The following RBFOX2 variants were observed in gnomAD, a reference collection of about 807,000 sequenced individuals.
The protein encoded by RBFOX2 is RNA binding protein fox-1 homolog 2.
A neutral mutation model predicts 49.1 loss-of-function variants in RBFOX2; 10 were observed. That is an observed-to-expected ratio of 0.20 (90% CI 0.13 to 0.35). The LOEUF is 0.35. RBFOX2 is among the 10% of genes least tolerant of loss of function. RBFOX2 has a pLI of 1.00. For synonymous variants in RBFOX2, 183 were observed against 187.4 expected (o/e 0.98, Z 0.19); for missense variants, 323 against 486.9 (o/e 0.66, Z 3.17).
At chr22:35,758,809 C>T (rs1937649163) in intron 9 of RBFOX2, among the ~76,000 whole-genome samples, 1 of 151,918 alleles carries the variant, frequency 6.6e-6, no homozygotes, top group Admixed American at 6.6e-5. Flanking sequence ...ATGGTACATC[C>T]ATTTGGTCTA....
chr22:35,965,139 C>A (rs999565383), upstream of RBFOX2, among the ~76,000 whole-genome samples: 1 of 152,046 alleles, frequency 6.6e-6, no homozygotes, highest in African/African-American at 2.4e-5. Flanking sequence ...TTAGAAGATG[C>A]CATGGAGAAT....
At chr22:36,017,710 C>T (rs940361400) in intron 1 of RBFOX2, among the ~76,000 whole-genome samples, 1 of 152,196 alleles carries the variant, frequency 6.6e-6, no homozygotes, top group African/African-American at 2.4e-5. Context: ...CAACAGCCTG[C>T]TCCAGCGAAC....
At chr22:35,778,215 T>C in intron 3 of RBFOX2, 137 bp from the exon 5 acceptor site, 2 of 705,134 alleles carry the variant, frequency 2.8e-6, no homozygotes. Context: ...TATTTGTTAG[T>C]AAGTTCCAAT....
chr22:35,796,851 C>T (rs865808839), intron 2 of RBFOX2, among the ~76,000 whole-genome samples: 4 of 152,066 alleles, frequency 2.6e-5, no homozygotes, highest in Non-Finnish European at 4.4e-5. Context: ...GAGAAACTGT[C>T]GAGCTCATAG....
chr22:36,014,493 T>C (rs1021586579), intron 1 of RBFOX2, among the ~76,000 whole-genome samples: 2 of 152,166 alleles, frequency 1.3e-5, no homozygotes, highest in Admixed American at 1.3e-4. Flanking sequence ...TAAAACAGAA[T>C]GCTGAATGAG....
At chr22:35,813,082 G>C (rs1307171032) in intron 1 of RBFOX2, among the ~76,000 whole-genome samples, 1 of 152,190 alleles carries the variant, frequency 6.6e-6, no homozygotes, top group Non-Finnish European at 1.5e-5. Context: ...GAAATTCTTA[G>C]TGGATTATTT....
Position 36,016,996 on chromosome 22 carries a change from C to A in RBFOX2, c.186+11244G>T, listed in dbSNP as rs117565737. On this transcript the variant is annotated intron_variant, in intron 1 of 13. Coordinates refer to the RBFOX2 transcript ENST00000438146. ...TGCAGCTAAAGAGGTCCCTACTAAA[C>A]TGGCTGGAACAGGCAAGGATTATAC... Among the ~76,000 whole-genome samples the A allele has an allele frequency of 3.0e-3, 450 of 152,260 alleles. 7 individuals are homozygous for A. The highest frequency in any genetic ancestry group is 0.014 in the East Asian group (75 of 5,184).
At chr22:35,881,313 C>T (rs775332811) in intron 1 of RBFOX2, among the ~76,000 whole-genome samples, 4 of 151,626 alleles carry the variant, frequency 2.6e-5, no homozygotes, top group East Asian at 1.9e-4. Flanking sequence ...TGGTGGCTCA[C>T]GCCTATAATC....
chr22:35,806,074 T>C (rs1271400716), intron 2 of RBFOX2, among the ~76,000 whole-genome samples: 1 of 152,190 alleles, frequency 6.6e-6, no homozygotes, highest in Non-Finnish European at 1.5e-5. Context: ...ATGCTATACA[T>C]TTATCCAAAC....
intron 1 of RBFOX2, among the ~76,000 whole-genome samples, chr22:35,828,445 G>A (rs1321096211): frequency 6.6e-6 from 1 of 152,186 alleles, no homozygotes; most frequent in African/African-American, 2.4e-5. Flanking sequence ...AGACAGCACA[G>A]GGGACGGTAC....
At chr22:35,957,253 C>G (rs756957702) in intron 1 of RBFOX2, among the ~76,000 whole-genome samples, 28 of 152,164 alleles carry the variant, frequency 1.8e-4, no homozygotes, top group Non-Finnish European at 4.0e-4. Context: ...CATGCAATAT[C>G]TTACACAGTG....
Position 35,812,841 on chromosome 22 carries a change from A to G in RBFOX2, c.28-2837T>C, listed in dbSNP as rs561352619. ...TCCACCCCAGCCTGCTGGGAATGAG[A>G]CTCTGGCACACAAGTACACAGTATG... On this transcript the variant is annotated intron_variant, in intron 1 of 11. Coordinates refer to ENST00000405409, the Ensembl canonical transcript of RBFOX2. Among the ~76,000 whole-genome samples, 38 of 152,266 alleles carry G rather than the reference A, an allele frequency of 2.5e-4. 1 individual carries two copies. The highest frequency in any genetic ancestry group is 8.9e-4 in the African/African-American group (37 of 41,552).
intron 1 of RBFOX2, among the ~76,000 whole-genome samples, chr22:35,950,193 T>G (rs763242003): frequency 2.0e-5 from 3 of 151,984 alleles, no homozygotes; most frequent in Non-Finnish European, 4.4e-5. Context: ...CTTCCTGTTT[T>G]CTGAGGATTT....
chr22:35,937,843 C>T (rs1192176407), intron 1 of RBFOX2, among the ~76,000 whole-genome samples: 1 of 152,164 alleles, frequency 6.6e-6, no homozygotes, highest in African/African-American at 2.4e-5. Flanking sequence ...CCCACCTTGG[C>T]CTCCCAAAGT....
intron 1 of RBFOX2, among the ~76,000 whole-genome samples, chr22:35,916,879 A>T (rs75213314): frequency 2.9e-4 from 40 of 137,944 alleles, no homozygotes; most frequent in Middle Eastern, 4.4e-3. Flanking sequence ...TGAAAAATTT[A>T]AAAAAAAAAA....
chr22:35,883,043 C>T (rs943827100), intron 1 of RBFOX2, among the ~76,000 whole-genome samples: 6 of 152,214 alleles, frequency 3.9e-5, no homozygotes, highest in African/African-American at 1.2e-4. Context: ...AGGGCAAACA[C>T]TGAAAGTTCC....
Position 35,944,802 on chromosome 22 carries a change from G to A in RBFOX2, c.43-5905C>T, listed in dbSNP as rs539684151. Among the ~76,000 whole-genome samples the A allele has an allele frequency of 3.4e-4, 52 of 152,206 alleles. 1 individual carries two copies. Among genetic ancestry groups the A allele is most frequent in the African/African-American group, 1.2e-3 (49 of 41,546 alleles). On this transcript the variant is annotated intron_variant, in intron 1 of 5. Transcript: ENST00000408983. ...ATGAAAAAAACAAATCTGGCCAGCC[G>A]CGGCGGCTCACGGCTGTAATCCCGG...
intron 9 of RBFOX2, 100 bp from the exon 11 acceptor site, chr22:35,756,244 G>T: frequency 1.8e-6 from 2 of 1,084,760 alleles, no homozygotes; most frequent in Admixed American, 3.2e-5. Flanking sequence ...CTCTACACAG[G>T]CAGGTGATGT....
intron 1 of RBFOX2, among the ~76,000 whole-genome samples, chr22:35,816,308 C>T (rs1445214698): frequency 6.6e-6 from 1 of 152,092 alleles, no homozygotes. Context: ...AGCTATTGAA[C>T]TGTTCTTAAC....
Sources: allele counts gnomAD v4.1 joint callset (sites outside exome capture counted in the v4.1 genomes callset), GRCh38; gene constraint gnomAD v4.1.1; transcripts MANE v1.5; gene names NCBI Gene and HGNC (gene_info 2026-07-23, HGNC 2026-07-21).